The following MS4A8 variants were observed in gnomAD, a reference collection of about 807,000 sequenced individuals.
The protein encoded by MS4A8 is membrane spanning 4-domains A8.
Under a neutral mutation model 23.7 loss-of-function variants are expected in MS4A8, and 27 were observed. The ratio of observed to expected loss-of-function variants is 1.14; its 90% CI spans 0.84 to 1.57. The LOEUF (loss-of-function observed/expected upper bound fraction) is 1.57. MS4A8 is among the 40% of genes most tolerant of loss of function. The probability of loss-of-function intolerance (pLI) is 0.00; values close to 1 mark genes in which losing one functional copy is unlikely to be tolerated. For synonymous variants in MS4A8, 138 were observed against 126.3 expected (o/e 1.09, Z -0.62); for missense variants, 301 against 311.4 (o/e 0.97, Z 0.25).
chr11:60,702,468 T>C (rs1286953833), intron 2 of MS4A8, among the ~76,000 whole-genome samples: 1 of 152,242 alleles, frequency 6.6e-6, no homozygotes, highest in Non-Finnish European at 1.5e-5. Flanking sequence ...AGTGGCGCAG[T>C]CTTGGCTCAC....
chr11:60,699,690 A>C lies in MS4A8; in HGVS notation c.-87A>C, dbSNP rs922213258. 6.6e-6 allele frequency: 1 copy of C among 152,332 alleles called. No individual in the cohort carries two copies. Among genetic ancestry groups the C allele is most frequent in the African/African-American group, 2.4e-5 (1 of 41,452 alleles). 9.4% of individuals were successfully genotyped at this position (152,332 alleles called of 1,614,324 possible). On this transcript the variant is annotated 5_prime_UTR_variant, in exon 1 of 7. Coordinates refer to ENST00000300226, the MANE Select transcript of MS4A8 (RefSeq NM_031457.2). ...CCTACCACCCAACTGGCCCCAGTAC[A>C]TTCATTCTCTCAGGAAAAAAAACAA...
chr11:60,712,294 A>C, intron 5 of MS4A8: 1 of 983,004 alleles, frequency 1.0e-6, no homozygotes, highest in African/African-American at 1.7e-5. Context: ...ATCTGATGTG[A>C]ATTATAATTA....
intron 4 of MS4A8, among the ~76,000 whole-genome samples, chr11:60,707,722 C>T (rs1426049468): frequency 6.6e-6 from 1 of 152,070 alleles, no homozygotes; most frequent in Non-Finnish European, 1.5e-5. Context: ...CTTATCACAT[C>T]CCAAGACACT....
At chr11:60,703,993 G>C (rs774832260) in intron 3 of MS4A8, among the ~76,000 whole-genome samples, 5 of 152,080 alleles carry the variant, frequency 3.3e-5, no homozygotes, top group Non-Finnish European at 7.3e-5. Context: ...GAGCACTACA[G>C]ATTAGGGCTT....
chr11:60,711,815 G>A (rs564554507), intron 5 of MS4A8: 1 of 456,040 alleles, frequency 2.2e-6, no homozygotes, highest in South Asian at 1.5e-5. Flanking sequence ...CAGAAAACTT[G>A]GCTTTTAATC....
At chr11:60,700,813 C>A in intron 1 of MS4A8, 47 bp from the exon 2 acceptor site, 1 of 1,595,586 alleles carries the variant, frequency 6.3e-7, no homozygotes, top group East Asian at 2.2e-5. Context: ...TTTTAAAGGA[C>A]AAGTCCATAT....
At chr11:60,702,540 T>C (rs554613321) in intron 2 of MS4A8, among the ~76,000 whole-genome samples, 1 of 152,324 alleles carries the variant, frequency 6.6e-6, no homozygotes, top group Admixed American at 6.5e-5. Context: ...GTAGCTGGGA[T>C]TACAGGCACC....
At chr11:60,708,564 G>A in intron 4 of MS4A8, 86 bp from the exon 5 acceptor site, 1 of 1,377,414 alleles carries the variant, frequency 7.3e-7, no homozygotes, top group Non-Finnish European at 9.6e-7. Context: ...AGAAATTGGG[G>A]GGAAAAAGAA....
chr11:60,715,084 T>C lies in MS4A8; in HGVS notation c.598T>C (p.Cys200Arg). The C allele has an allele frequency of 6.2e-7, 1 of 1,614,174 alleles. No individual in the cohort carries two copies. The highest frequency in any genetic ancestry group is 1.1e-5 in the South Asian group (1 of 91,076). ...VFCLLEFGIA[C>R]ASSHFGCQLV... ...CTGCCTCCTGGAGTTTGGCATCGCA[T>C]GCGCATCTTCCCACTTTGGCTGCCA... Residue 200 changes from cysteine (C) to arginine (R), a missense_variant, in exon 6 of 7, where the codon TGC becomes CGC. Coordinates refer to ENST00000300226, the MANE Select transcript of MS4A8 (RefSeq NM_031457.2).
chr11:60,713,972 C>T (rs1227999316), intron 5 of MS4A8, among the ~76,000 whole-genome samples: 4 of 135,986 alleles, frequency 2.9e-5, no homozygotes, highest in Non-Finnish European at 4.5e-5. Flanking sequence ...GGCCGGACTG[C>T]GGACTGCAGT....
At position 60,707,024 on chromosome 11, in the gene MS4A8, A is replaced by T. The variant is rs1225792659; in HGVS notation, c.379A>T (p.Asn127Tyr). ...ISGSLSVAAE[N>Y]QPYSYCLLSG... is the part of the protein sequence containing the mutation. ...AGGATCTCTCTCCGTGGCAGCAGAA[A>T]ATCAGCCATATTCTTATTGCCTGGT... Residue 127 changes from asparagine (N) to tyrosine (Y), a missense_variant, in exon 4 of 7, where the codon AAT (asparagine) becomes TAT (tyrosine). Physicochemically the swap from Asn to Tyr is moderately radical, Grantham distance 143. Transcript: ENST00000300226. 2 of 1,613,972 alleles carry T rather than the reference A, an allele frequency of 1.2e-6. No individual in the cohort carries two copies. The highest frequency in any genetic ancestry group is 1.7e-6 in the Non-Finnish European group (2 of 1,179,984).
At chr11:60,704,858 A>AC (rs2088241378) in intron 3 of MS4A8, among the ~76,000 whole-genome samples, 2 of 135,106 alleles carry the variant, frequency 1.5e-5, no homozygotes, top group African/African-American at 6.6e-5. Flanking sequence ...ACATACAAAC[A>AC]AACACACATA....
intron 5 of MS4A8, chr11:60,712,256 CT>C (rs1485112630): frequency 2.0e-5 from 18 of 904,310 alleles, no homozygotes; most frequent in Non-Finnish European, 2.2e-5. Context: ...TCTGGGATAC[CT>C]TTTTGCTGTT....
At chr11:60,703,959 A>G (rs553633401) in intron 3 of MS4A8, among the ~76,000 whole-genome samples, 2 of 152,112 alleles carry the variant, frequency 1.3e-5, no homozygotes, top group South Asian at 4.2e-4. Flanking sequence ...TAACAACCCT[A>G]TCTCCAAACA....
intron 5 of MS4A8, 114 bp from the exon 6 acceptor site, chr11:60,714,907 A>G: frequency 1.4e-6 from 1 of 731,306 alleles, no homozygotes; most frequent in Admixed American, 2.0e-5. Context: ...CGAGGCTGAG[A>G]GAGGATAGGG....
intron 5 of MS4A8, among the ~76,000 whole-genome samples, chr11:60,713,708 A>G (rs920490962): frequency 6.6e-6 from 1 of 152,028 alleles, no homozygotes; most frequent in African/African-American, 2.4e-5. Context: ...TCCTCAGCAC[A>G]GACCCTTTAC....
intron 3 of MS4A8, among the ~76,000 whole-genome samples, chr11:60,704,489 C>T (rs1295700608): frequency 6.6e-6 from 1 of 152,172 alleles, no homozygotes; most frequent in East Asian, 1.9e-4. Flanking sequence ...GGAATAGCCC[C>T]TGGCATTGTT....
In MS4A8 at chr11:60,708,375, A is replaced by C. The variant is rs1161401935; in HGVS notation, c.403-275A>C. 4.6e-5 allele frequency among the ~76,000 whole-genome samples: 7 copies of C among 152,324 alleles called. No individual in the cohort carries two copies. The East Asian group carries it at 1.4e-3, about 29-fold the overall frequency. On this transcript the variant is annotated intron_variant, in intron 4 of 6. Coordinates refer to ENST00000300226, the MANE Select transcript of MS4A8 (RefSeq NM_031457.2). ...TTGCACAGAACACCCCTTTACTTGC[A>C]GTGGAAATAGGGTTCCTGGGATTCA... is the stretch of plus-strand genomic sequence containing the variant.
At chr11:60,709,935 G>A (rs1444366501) in intron 5 of MS4A8, among the ~76,000 whole-genome samples, 2 of 152,158 alleles carry the variant, frequency 1.3e-5, no homozygotes, top group Non-Finnish European at 1.5e-5. Flanking sequence ...ACACTTTAGT[G>A]AGTCCAATCC....
Sources: allele counts gnomAD v4.1 joint callset (sites outside exome capture counted in the v4.1 genomes callset), GRCh38; gene constraint gnomAD v4.1.1; transcripts MANE v1.5; gene names NCBI Gene and HGNC (gene_info 2026-07-23, HGNC 2026-07-21).